The following USH2A variants were observed in gnomAD, a reference collection of about 807,000 sequenced individuals.
The protein encoded by USH2A is Usher syndrome 2A (autosomal recessive, mild).
In USH2A, 443 loss-of-function variants were observed where a neutral mutation model predicts 538.9. The observed-to-expected ratio is 0.82, with a 90% CI of 0.76 to 0.89. The LOEUF is 0.89. Among genes scored for constraint, USH2A ranks in the 40% least tolerant of loss-of-function variants. USH2A has a pLI of 0.00. For missense variants in USH2A, 6,633 were observed against 6,324.8 expected (o/e 1.05, Z -1.65); for synonymous variants, 2,413 against 2,273.5 (o/e 1.06, Z -1.75).
At chr1:215,789,920 G>A in intron 51 of USH2A, 139 bp downstream of exon 51, 1 of 761,044 alleles carries the variant, frequency 1.3e-6, no homozygotes, top group Admixed American at 2.4e-5. Flanking sequence ...AACTCATTCG[G>A]TATTAATATG....
At chr1:215,763,914 ATGTATTAC>A (rs923885428) in intron 56 of USH2A, among the ~76,000 whole-genome samples, 3 of 152,164 alleles carry the variant, frequency 2.0e-5, no homozygotes, top group Non-Finnish European at 4.4e-5. Context: ...ATAAAAAATT[ATGTATTAC>A]ATATGGAAAA....
Position 216,160,128 on chromosome 1 carries a change from G to A in USH2A, c.4627+15124C>T, listed in dbSNP as rs115786698. On this transcript the variant is annotated intron_variant, in intron 21 of 71. Transcript: ENST00000307340. ...GTCTTATTTTCTCCATTACATTTCT[G>A]TTTGCTATATCATTGATTTCTCTTA... Among the ~76,000 whole-genome samples the A allele has an allele frequency of 7.9e-3, 1,201 of 151,588 alleles. 16 individuals carry two copies. The highest frequency in any genetic ancestry group is 0.028 in the African/African-American group (1,171 of 41,376).
At chr1:216,008,564 C>T (rs981364108) in intron 32 of USH2A, among the ~76,000 whole-genome samples, 4 of 152,124 alleles carry the variant, frequency 2.6e-5, no homozygotes, top group Admixed American at 1.3e-4. Flanking sequence ...AATTTGGTGC[C>T]GTGACTCGGA....
chr1:215,955,165 T>G, intron 37 of USH2A, among the ~76,000 whole-genome samples: 1 of 152,198 alleles, frequency 6.6e-6, no homozygotes, highest in East Asian at 1.9e-4. Flanking sequence ...CTAGCTCCCC[T>G]TGTTAAACCA....
At position 215,647,770 on chromosome 1, in the gene USH2A, G is replaced by A. The variant is rs1320195229; in HGVS notation, c.14583-40C>T. The A allele has an allele frequency of 5.0e-6, 8 of 1,605,190 alleles. No individual in the cohort carries two copies. In the South Asian group the frequency reaches 6.6e-5, roughly 13 times the overall value. On this transcript the variant is annotated intron_variant, in intron 66 of 71. Coordinates refer to ENST00000307340, the MANE Select transcript of USH2A (RefSeq NM_206933.4). ...GATACGTAGAGTCAAGACGGGTAATGGAATTAGTTTAACTCTCTCTTTTAA... is the reference window on the plus strand; with the variant it reads ...GATACGTAGAGTCAAGACGGGTAATAGAATTAGTTTAACTCTCTCTTTTAA...
chr1:216,417,152 T>A (rs1390347509), intron 3 of USH2A, among the ~76,000 whole-genome samples: 2 of 151,902 alleles, frequency 1.3e-5, no homozygotes, highest in African/African-American at 4.8e-5. Flanking sequence ...GTATGAAAAC[T>A]CTGACCCCTG....
At chr1:215,836,542 A>AATAT (rs1299488683) in intron 47 of USH2A, among the ~76,000 whole-genome samples, 4 of 17,774 alleles carry the variant, frequency 2.3e-4, no homozygotes, top group East Asian at 7.7e-3. Flanking sequence ...ATATATATAT[A>AATAT]ATATATATAT....
In USH2A at chr1:216,086,837, G is replaced by A; in HGVS notation, c.4886-17C>T. On this transcript the variant is annotated splice_polypyrimidine_tract_variant and intron_variant, in intron 23 of 71. Transcript: ENST00000307340. ...CAGAGGAACCTAGAGAAGAGGAGAT[G>A]AGAAATACACCTTCACCAGGATACT... The A allele has an allele frequency of 1.3e-6, 2 of 1,572,994 alleles. No individual in the cohort carries two copies. The highest frequency in any genetic ancestry group is 2.2e-5 in the East Asian group (1 of 44,622).
intron 4 of USH2A, among the ~76,000 whole-genome samples, chr1:216,337,107 C>T (rs993979582): frequency 6.6e-6 from 1 of 151,314 alleles, no homozygotes; most frequent in Non-Finnish European, 1.5e-5. Flanking sequence ...AGAGACAGAT[C>T]TTAGGATATG....
intron 1 of USH2A, among the ~76,000 whole-genome samples, 196 bp from the exon 2 acceptor site, chr1:216,422,736 C>G (rs1373140077): frequency 2.0e-5 from 3 of 151,960 alleles, no homozygotes; most frequent in Non-Finnish European, 2.9e-5. Context: ...AAATCAAGCA[C>G]TTTATAAGTC....
intron 14 of USH2A, among the ~76,000 whole-genome samples, chr1:216,220,449 G>C (rs1355538210): frequency 6.7e-6 from 1 of 149,758 alleles, no homozygotes; most frequent in Non-Finnish European, 1.5e-5. Context: ...AGACTCTAAA[G>C]GTCCAGAAAA....
At chr1:215,654,173 A>AT (rs927052742) in intron 64 of USH2A, among the ~76,000 whole-genome samples, 3 of 152,024 alleles carry the variant, frequency 2.0e-5, no homozygotes, top group Non-Finnish European at 4.4e-5. Context: ...ACATATATAT[A>AT]TTTTTTTATT....
At chr1:215,722,152 T>G (rs527399319) in intron 61 of USH2A, among the ~76,000 whole-genome samples, 6 of 152,098 alleles carry the variant, frequency 3.9e-5, no homozygotes, top group Middle Eastern at 6.8e-3. Flanking sequence ...ATCTTTTATA[T>G]AGAAGAATGA....
intron 15 of USH2A, among the ~76,000 whole-genome samples, chr1:216,210,078 T>C (rs1402321617): frequency 2.0e-5 from 3 of 152,136 alleles, no homozygotes; most frequent in African/African-American, 7.2e-5. Context: ...GAGGAATGAA[T>C]ACTGCAGAGA....
At chr1:216,319,741 A>T in intron 9 of USH2A, among the ~76,000 whole-genome samples, 1 of 152,228 alleles carries the variant, frequency 6.6e-6, no homozygotes, top group East Asian at 1.9e-4. Context: ...TGCATTATAG[A>T]TAATATTCTT....
At chr1:216,303,102 T>C (rs2037244578) in intron 9 of USH2A, among the ~76,000 whole-genome samples, 1 of 151,992 alleles carries the variant, frequency 6.6e-6, no homozygotes, top group African/African-American at 2.4e-5. Context: ...CTTCCTCTTA[T>C]TTATGGATTG....
chr1:216,325,447 C>T lies in USH2A; in HGVS notation c.1001G>A (p.Arg334Gln), dbSNP rs758303489. 8.1e-6 allele frequency: 13 copies of T among 1,613,776 alleles called. No homozygotes were observed. The highest frequency in any genetic ancestry group is 5.3e-5 in the African/African-American group (4 of 74,900). Residue 334 changes from arginine (R) to glutamine (Q), a missense_variant, in exon 6 of 72, where the codon CGG becomes CAG. Physicochemically the swap from Arg to Gln is conservative, Grantham distance 43 (BLOSUM62 1). Coordinates refer to ENST00000307340, the MANE Select transcript of USH2A (RefSeq NM_206933.4). ...GAGAGGATGGGCTTCAGGATTCAACCGTGACACTCTATTATCAGCTGTGTC... is the reference window on the plus strand; with the variant it reads ...GAGAGGATGGGCTTCAGGATTCAACTGTGACACTCTATTATCAGCTGTGTC... ...AGDTADNRVS[R>Q]LNPEAHPLSF...
intron 38 of USH2A, among the ~76,000 whole-genome samples, chr1:215,901,945 C>T (rs1665512919): frequency 6.6e-6 from 1 of 152,024 alleles, no homozygotes; most frequent in African/African-American, 2.4e-5. Context: ...TAATATTTTT[C>T]CTTTATAGAA....
chr1:216,102,745 A>G (rs1004344183), intron 21 of USH2A, among the ~76,000 whole-genome samples: 39 of 152,288 alleles, frequency 2.6e-4, no homozygotes, highest in African/African-American at 9.4e-4. Flanking sequence ...GCTTGCAGTG[A>G]GTGGAGATCG....
Sources: gnomAD v4.1 joint callset for allele counts (sites outside exome capture counted in the v4.1 genomes callset) on GRCh38, gnomAD v4.1.1 for gene constraint, MANE v1.5 for transcripts, NCBI Gene and HGNC (gene_info 2026-07-23, HGNC 2026-07-21) for gene names.